TMCC3: variants seen among roughly 807,000 people sequenced by gnomAD.
The protein encoded by TMCC3 is transmembrane and coiled-coil domain protein 3.
Under a neutral mutation model 40.2 loss-of-function variants are expected in TMCC3, and 28 were observed. The observed-to-expected ratio is 0.70, with a 90% confidence interval of 0.52 to 0.95. The LOEUF is 0.95. Ranked by LOEUF, TMCC3 falls within the 40% of genes least tolerant of loss-of-function variation. The pLI is 0.00. For synonymous variants in TMCC3, 255 were observed against 248.5 expected, an observed-to-expected ratio of 1.03 and a Z score of -0.25; for missense variants, 554 against 615.2, an observed-to-expected ratio of 0.90 and a Z score of 1.05.
In TMCC3 at chr12:94,650,384, T is replaced by C. The variant is rs1349162835; in HGVS notation, c.47A>G (p.Tyr16Cys). The change falls in exon 1 of 4, where the codon TAC becomes TGC. Residue 16 changes from tyrosine to cysteine, a missense_variant. By Grantham distance (194) the Tyr-to-Cys change is radical. Transcript: ENST00000261226. ...TALTVDRTYSYPGRHHRCKSR... is the reference protein window; with the variant it reads ...TALTVDRTYSCPGRHHRCKSR... ...CTTGCAGCGGTGGTGCCGGCCGGGG[T>C]ACGAGTAGGTCCGGTCCACGGTGAG... The C allele has an allele frequency of 7.5e-7, 1 of 1,341,344 alleles. No individual in the cohort carries two copies. The highest frequency in any genetic ancestry group is 9.6e-7 in the Non-Finnish European group (1 of 1,039,598). The allele number at this position is 1,341,344 out of a possible 1,614,324, so 83.1% of individuals were successfully genotyped here.
chr12:94,649,151 T>G (rs59517030), intron 1 of TMCC3, among the ~76,000 whole-genome samples: 2,593 of 152,304 alleles, frequency 0.017, 65 homozygotes, highest in African/African-American at 0.059. Context: ...AAAACTCAAA[T>G]CATCCTTCCA....
chr12:94,597,151 ATATATATGTAT>A lies in TMCC3; in HGVS notation c.79-14624_79-14614del, dbSNP rs1566322295. ...TATATATATATATATATATATATAT[ATATATATGTAT>A]ATAAATTAGCCAGGCCTGCTGGCGT... On this transcript the variant is annotated intron_variant, in intron 1 of 3. Transcript: ENST00000261226. Among the ~76,000 whole-genome samples the A allele has an allele frequency of 7.2e-3, 131 of 18,216 alleles. 3 individuals carry two copies. The South Asian group carries it at 0.11, about 16-fold the overall frequency. The allele number at this position is 18,216 out of a possible 152,430, so 12.0% of individuals were successfully genotyped here. A position where few individuals can be genotyped will look rare whatever the true frequency, so the allele number is the denominator to read the frequency against.
At position 94,604,803 on chromosome 12, in the gene TMCC3, CAAAAAA is replaced by C. The variant is rs11400128; in HGVS notation, c.79-22271_79-22266del. On this transcript the variant is annotated intron_variant, in intron 1 of 3. Coordinates refer to ENST00000261226, the MANE Select transcript of TMCC3 (RefSeq NM_020698.4). ...TAAGTGACAGAGTGAGACTTCATCTCAAAAAAAAAAAAAAAAAAAAAGAAGTAATAA... is the reference window on the plus strand; with the variant it reads ...TAAGTGACAGAGTGAGACTTCATCTCAAAAAAAAAAAAAAAGAAGTAATAA... Among the ~76,000 whole-genome samples the C allele has an allele frequency of 1.9e-3, 100 of 53,326 alleles. 1 individual carries two copies. Among genetic ancestry groups the C allele is most frequent in the Admixed American group, 0.016 (58 of 3,620 alleles). 35.0% of individuals were successfully genotyped at this position (53,326 alleles called of 152,430 possible). A position where few individuals can be genotyped will look rare whatever the true frequency, so the allele number is the denominator to read the frequency against.
chr12:94,577,973 C>A lies in TMCC3; in HGVS notation c.1131+421G>T, dbSNP rs185498754. ...ACCAGCCTGGCCAACATGGTGAAAC[C>A]CCGTCTCTACTAAAAATACAAAAAA... On this transcript the variant is annotated intron_variant, in intron 3 of 3. Coordinates refer to ENST00000261226, the MANE Select transcript of TMCC3 (RefSeq NM_020698.4). Among the ~76,000 whole-genome samples the A allele has an allele frequency of 8.3e-4, 125 of 150,894 alleles. 2 individuals are homozygous for A. The East Asian group carries it at 0.019, about 23-fold the overall frequency.
intron 1 of TMCC3, among the ~76,000 whole-genome samples, chr12:94,633,952 T>G (rs943051862): frequency 2.0e-5 from 3 of 150,262 alleles, no homozygotes; most frequent in African/African-American, 7.4e-5. Flanking sequence ...GTTTTTTATT[T>G]TTTTTTTTTT....
At chr12:94,617,287 C>A (rs186772754) in intron 1 of TMCC3, among the ~76,000 whole-genome samples, 1 of 152,176 alleles carries the variant, frequency 6.6e-6, no homozygotes, top group African/African-American at 2.4e-5. Context: ...TTGGTGACAG[C>A]GCCTTAGGCA....
chr12:94,585,672 C>T (rs754908878), intron 1 of TMCC3, among the ~76,000 whole-genome samples: 16 of 139,764 alleles, frequency 1.1e-4, no homozygotes, highest in South Asian at 4.8e-4. Flanking sequence ...AGTGACAGAG[C>T]GAGACACCGT....
chr12:94,634,310 T>A (rs2068949090), intron 1 of TMCC3, among the ~76,000 whole-genome samples: 1 of 151,990 alleles, frequency 6.6e-6, no homozygotes, highest in Non-Finnish European at 1.5e-5. Flanking sequence ...ATGCAAAAAA[T>A]TATTTAAGAA....
chr12:94,637,866 C>A (rs563350806), intron 1 of TMCC3, among the ~76,000 whole-genome samples: 2 of 152,318 alleles, frequency 1.3e-5, no homozygotes, highest in South Asian at 4.1e-4. Flanking sequence ...TACAATTTCA[C>A]AACATACACA....
chr12:94,620,305 T>G (rs2068869073), intron 1 of TMCC3, among the ~76,000 whole-genome samples: 1 of 151,694 alleles, frequency 6.6e-6, no homozygotes, highest in South Asian at 2.1e-4. Flanking sequence ...ATTTTTTTTT[T>G]GAGACAGAGT....
chr12:94,582,632 G>T, intron 1 of TMCC3, 94 bp from the exon 2 acceptor site: 1 of 1,204,688 alleles, frequency 8.3e-7, no homozygotes, highest in Non-Finnish European at 1.2e-6. Flanking sequence ...CATACATGAA[G>T]TCCCAGTTTT....
At position 94,600,343 on chromosome 12, in the gene TMCC3, C is replaced by T. The variant is rs114945168; in HGVS notation, c.79-17805G>A. ...CTTAATCCACATCCTCATTTCCTATCTCACCTATAGCAAGGGCAACAGTTT... is the reference window on the plus strand; with the variant it reads ...CTTAATCCACATCCTCATTTCCTATTTCACCTATAGCAAGGGCAACAGTTT... On this transcript the variant is annotated intron_variant, in intron 1 of 3. Coordinates refer to ENST00000261226, the MANE Select transcript of TMCC3 (RefSeq NM_020698.4). Among the ~76,000 whole-genome samples, 284 of 144,630 alleles carry T rather than the reference C, an allele frequency of 2.0e-3. 1 individual carries two copies. Among genetic ancestry groups the T allele is most frequent in the African/African-American group, 6.9e-3 (272 of 39,354 alleles). The allele number at this position is 144,630 out of a possible 152,430, so 94.9% of individuals were successfully genotyped here.
intron 1 of TMCC3, among the ~76,000 whole-genome samples, chr12:94,601,584 G>T (rs371763461): frequency 5.9e-5 from 9 of 151,880 alleles, no homozygotes; most frequent in Admixed American, 3.9e-4. Context: ...CAACATTGTG[G>T]GGGGGCGAGG....
intron 1 of TMCC3, among the ~76,000 whole-genome samples, chr12:94,610,889 C>T (rs1293952049): frequency 6.6e-6 from 1 of 152,062 alleles, no homozygotes; most frequent in Non-Finnish European, 1.5e-5. Flanking sequence ...ATGGTAGTTA[C>T]CTCTGGGGAA....
At chr12:94,594,401 C>T (rs1045571274) in intron 1 of TMCC3, among the ~76,000 whole-genome samples, 1 of 151,982 alleles carries the variant, frequency 6.6e-6, no homozygotes, top group Admixed American at 6.6e-5. Context: ...CAGAACCAGG[C>T]CTAATTTTAG....
chr12:94,604,298 C>T (rs1008154623), intron 1 of TMCC3, among the ~76,000 whole-genome samples: 1 of 152,188 alleles, frequency 6.6e-6, no homozygotes, highest in African/African-American at 2.4e-5. Context: ...TTAGGGCTTG[C>T]TTACTTAGAC....
At position 94,573,716 on chromosome 12, in the gene TMCC3, G is replaced by A. The variant is rs148227409; in HGVS notation, c.1132-1979C>T. Among the ~76,000 whole-genome samples the A allele has an allele frequency of 3.8e-3, 583 of 152,244 alleles. 4 individuals carry two copies. The highest frequency in any genetic ancestry group is 0.012 in the African/African-American group (493 of 41,548). On this transcript the variant is annotated intron_variant, in intron 3 of 3. Transcript: ENST00000261226. ...CCTGAATGACTGGAATTACAAGTGC[G>A]AGCCACCACACACAGCTTTATTCTA...
chr12:94,636,063 T>C (rs1319311918), intron 1 of TMCC3, among the ~76,000 whole-genome samples: 2 of 152,170 alleles, frequency 1.3e-5, no homozygotes, highest in African/African-American at 4.8e-5. Context: ...AATTACAACC[T>C]TCTGTGTTCG....
intron 1 of TMCC3, among the ~76,000 whole-genome samples, chr12:94,647,404 A>G (rs1481718711): frequency 6.6e-6 from 1 of 152,182 alleles, no homozygotes; most frequent in African/African-American, 2.4e-5. Flanking sequence ...AAGACAGACC[A>G]TGTAGTTTCC....
Sources: gnomAD v4.1 joint callset for allele counts (sites outside exome capture counted in the v4.1 genomes callset) on GRCh38, gnomAD v4.1.1 for gene constraint, MANE v1.5 for transcripts, NCBI Gene and HGNC (gene_info 2026-07-23, HGNC 2026-07-21) for gene names.